Variants in ACSM3 observed in about 807,000 individuals in gnomAD.
The protein encoded by ACSM3 is acyl-coenzyme A synthetase ACSM3, mitochondrial.
A neutral mutation model predicts 74.1 loss-of-function variants in ACSM3; 61 were observed. The observed-to-expected ratio is 0.82, with a 90% CI of 0.67 to 1.02. The LOEUF is 1.02. Among genes scored for constraint, ACSM3 ranks in the 50% least tolerant of loss-of-function variants. The pLI is 0.00. For missense variants in ACSM3, 660 were observed against 697.0 expected, an observed-to-expected ratio of 0.95 and a Z score of 0.60; for synonymous variants, 213 against 241.5, an observed-to-expected ratio of 0.88 and a Z score of 1.09.
intron 1 of ACSM3, among the ~76,000 whole-genome samples, chr16:20,742,767 A>C (rs971583487): frequency 3.3e-5 from 5 of 149,840 alleles, no homozygotes; most frequent in African/African-American, 7.4e-5. Context: ...TCTGGTGATG[A>C]ATCCAACATA....
chr16:20,677,639 T>G (rs1298957374), intron 1 of ACSM3, among the ~76,000 whole-genome samples: 2 of 152,186 alleles, frequency 1.3e-5, no homozygotes, highest in East Asian at 3.9e-4. Flanking sequence ...AATATTTTAC[T>G]GATGGAAGCA....
chr16:20,785,518 A>G (rs1035548992), intron 8 of ACSM3, among the ~76,000 whole-genome samples: 1 of 152,132 alleles, frequency 6.6e-6, no homozygotes, highest in African/African-American at 2.4e-5. Context: ...TCTAAAAAGG[A>G]TTTTTTAAAG....
intron 1 of ACSM3, among the ~76,000 whole-genome samples, chr16:20,678,867 C>A (rs1420046946): frequency 6.6e-6 from 1 of 152,134 alleles, no homozygotes; most frequent in African/African-American, 2.4e-5. Context: ...GTCAGGTGCA[C>A]CTCCACCAAG....
chr16:20,771,311 T>C (rs2080190715), intron 2 of ACSM3, among the ~76,000 whole-genome samples: 1 of 151,572 alleles, frequency 6.6e-6, no homozygotes, highest in Non-Finnish European at 1.5e-5. Flanking sequence ...TCCGCCCACC[T>C]TGGCCTCCCA....
intron 1 of ACSM3, chr16:20,729,097 G>T (rs1346939197): frequency 2.3e-6 from 1 of 444,398 alleles, no homozygotes; most frequent in Non-Finnish European, 4.2e-6. Context: ...AACAGAAAGA[G>T]ACTCTGTCTC....
rs985251068 is a variant in ACSM3 at position 20,790,034 on chromosome 16, T to C, written c.1225-553T>C. ...AAAGGATATTACCAAAATGTGATTA[T>C]TGCTGGATGGTAAAATTTTTAAAAA... On this transcript the variant is annotated intron_variant, in intron 9 of 13. Coordinates refer to ENST00000289416, the MANE Select transcript of ACSM3 (RefSeq NM_005622.4). This position sits in a 1 kb window ranked among gnomAD's most constrained non-coding sequence, Gnocchi z 4.0. 6.6e-6 allele frequency among the ~76,000 whole-genome samples: 1 copy of C among 152,238 alleles called. No individual in the cohort carries two copies. Among genetic ancestry groups the C allele is most frequent in the Admixed American group, 6.5e-5 (1 of 15,274 alleles).
At chr16:20,795,775 A>G (rs1331033389) in intron 12 of ACSM3, among the ~76,000 whole-genome samples, 1 of 152,182 alleles carries the variant, frequency 6.6e-6, no homozygotes, top group Non-Finnish European at 1.5e-5. Flanking sequence ...AGGAGAGAAA[A>G]TGACAGGACT....
At chr16:20,771,397 T>TA (rs2080192489) in intron 2 of ACSM3, among the ~76,000 whole-genome samples, 1 of 143,512 alleles carries the variant, frequency 7.0e-6, no homozygotes, top group Non-Finnish European at 1.5e-5. Flanking sequence ...TTTTTTTTTT[T>TA]AAGAGACAGG....
intron 1 of ACSM3, chr16:20,741,481 G>GGGGGGGGGGGGGGCCCCCCCCCCCCCCC: frequency 7.6e-7 from 1 of 1,308,414 alleles, no homozygotes; most frequent in Non-Finnish European, 9.9e-7. Context: ...CTGGCAGCCG[G>GGGGGGGGGGGGGGCCCCCCCCCCCCCCC]CCCGCCCGCC....
At chr16:20,698,189 CAA>C (rs759884200) in intron 1 of ACSM3, among the ~76,000 whole-genome samples, 29 of 75,190 alleles carry the variant, frequency 3.9e-4, no homozygotes, top group Admixed American at 6.2e-4. Flanking sequence ...GACTCTGTCT[CAA>C]AAAAAAAAAA....
Position 20,796,417 on chromosome 16 carries a change from T to A in ACSM3, c.1602T>A (p.Asp534Glu). ...TAAATCCTGATTACAAGTCACATGA[T>A]CAAGAACAACTAATAAAGGAGATTC... ...VVLNPDYKSH[D>E]QEQLIKEIQE... Residue 534 changes from aspartate (D) to glutamate (E), a missense_variant, in exon 13 of 14, where the codon GAT (aspartate) becomes GAA (glutamate). Coordinates refer to ENST00000289416, the MANE Select transcript of ACSM3 (RefSeq NM_005622.4). 6.2e-7 allele frequency: 1 copy of A among 1,613,852 alleles called. No individual in the cohort carries two copies. The highest frequency in any genetic ancestry group is 8.5e-7 in the Non-Finnish European group (1 of 1,179,924).
intron 1 of ACSM3, among the ~76,000 whole-genome samples, chr16:20,710,392 C>G (rs1025583861): frequency 3.9e-5 from 6 of 152,094 alleles, no homozygotes; most frequent in Non-Finnish European, 7.4e-5. Context: ...GAGTGTAGCA[C>G]TTACATTGTT....
rs1452226317 is a variant in ACSM3, at chr16:20,790,318, C to T, written c.1225-269C>T. Among the ~76,000 whole-genome samples, 3 of 152,092 alleles carry T rather than the reference C, an allele frequency of 2.0e-5. No homozygotes were observed. The highest frequency in any genetic ancestry group is 4.4e-5 in the Non-Finnish European group (3 of 68,018). On this transcript the variant is annotated intron_variant, in intron 9 of 13. Transcript: ENST00000289416. The surrounding 1 kb of genome is among the most constrained non-coding windows in gnomAD (Gnocchi z 4.0). Reference sequence around the variant, plus strand: ...AATAAACATTAGCTGAGCATAATGACATGTGCTTGTAGCCCCAGATACTTG... The same window carrying T: ...AATAAACATTAGCTGAGCATAATGATATGTGCTTGTAGCCCCAGATACTTG...
In ACSM3 at chr16:20,767,233, C is replaced by T. The variant is rs1356380525; in HGVS notation, c.-51-2751C>T. Among the ~76,000 whole-genome samples, 2 of 77,406 alleles carry T rather than the reference C, an allele frequency of 2.6e-5. 1 individual carries two copies. The highest frequency in any genetic ancestry group is 2.1e-4 in the Admixed American group (2 of 9,352). 50.8% of individuals were successfully genotyped at this position (77,406 alleles called of 152,430 possible). On this transcript the variant is annotated intron_variant, in intron 1 of 13. Coordinates refer to ENST00000289416, the MANE Select transcript of ACSM3 (RefSeq NM_005622.4). ...TGACTTGCCAGCAAAAAACAGGGAC[C>T]GGGGCCGGGCGCGGTGGCTCACGCC... is the stretch of plus-strand genomic sequence containing the variant.
At chr16:20,757,211 T>C (rs2080038927) in intron 3 of ACSM3, among the ~76,000 whole-genome samples, 1 of 152,228 alleles carries the variant, frequency 6.6e-6, no homozygotes, top group African/African-American at 2.4e-5. Context: ...ATTGAATCTA[T>C]ACATTACCTT....
rs2079886081 is a variant in ACSM3, at chr16:20,738,069, G to C, written c.-189-11841G>C. The stretch of plus-strand genomic sequence containing the variant: ...AGTTGACAGAAGAAATTCTCATAAT[G>C]AATTTTAAATGAATCTACCTAGTCA... On this transcript the variant is annotated intron_variant, in intron 1 of 3. Transcript: ENST00000561584. 3 of 1,041,096 alleles carry C rather than the reference G, an allele frequency of 2.9e-6. No individual in the cohort carries two copies. In the East Asian group the frequency reaches 7.2e-5, roughly 25 times the overall value. 64.5% of individuals were successfully genotyped at this position (1,041,096 alleles called of 1,614,324 possible).
intron 1 of ACSM3, among the ~76,000 whole-genome samples, chr16:20,678,838 G>A (rs928200474): frequency 6.6e-6 from 1 of 152,180 alleles, no homozygotes; most frequent in African/African-American, 2.4e-5. Context: ...ATCAGGTCTT[G>A]CCCATGGTCC....
intron 1 of ACSM3, among the ~76,000 whole-genome samples, chr16:20,723,357 T>G (rs2079792808): frequency 6.6e-6 from 1 of 152,184 alleles, no homozygotes; most frequent in South Asian, 2.1e-4. Context: ...TGTGCATGTG[T>G]CTTTATAGCA....
chr16:20,791,390 T>C (rs1367223578), intron 10 of ACSM3, among the ~76,000 whole-genome samples: 4 of 152,242 alleles, frequency 2.6e-5, no homozygotes, highest in Non-Finnish European at 5.9e-5. Flanking sequence ...GCATTATCTA[T>C]TAATCAATTA....
Sources: gnomAD v4.1 joint callset for allele counts (sites outside exome capture counted in the v4.1 genomes callset) on GRCh38, gnomAD v4.1.1 for gene constraint, Gnocchi (gnomAD v3.1) non-coding constraint, MANE v1.5 for transcripts, NCBI Gene and HGNC (gene_info 2026-07-23, HGNC 2026-07-21) for gene names.